The following FAM135B variants were observed in gnomAD, a reference collection of about 807,000 sequenced individuals.
FAM135B encodes family with sequence similarity 135 member B.
Under a neutral mutation model 127.7 loss-of-function variants are expected in FAM135B, and 43 were observed. The ratio of observed to expected loss-of-function variants is 0.34; its 90% confidence interval spans 0.26 to 0.43. The LOEUF is 0.43. FAM135B is among the 20% of genes least tolerant of loss of function. The probability of loss-of-function intolerance (pLI) is 1.00; values close to 1 mark genes in which losing one functional copy is unlikely to be tolerated. For synonymous variants in FAM135B, 670 were observed against 665.1 expected (o/e 1.01, Z -0.11); for missense variants, 1,558 against 1,725.6 (o/e 0.90, Z 1.72).
At chr8:138,140,544 A>T (rs1170255584) in intron 17 of FAM135B, among the ~76,000 whole-genome samples, 1 of 152,212 alleles carries the variant, frequency 6.6e-6, no homozygotes, top group Non-Finnish European at 1.5e-5. Context: ...TTCTGGAGTC[A>T]GTCGAGGTCC....
At chr8:138,454,503 C>G (rs1339409385) in intron 1 of FAM135B, among the ~76,000 whole-genome samples, 1 of 152,176 alleles carries the variant, frequency 6.6e-6, no homozygotes, top group Non-Finnish European at 1.5e-5. Flanking sequence ...ACCTACGAAA[C>G]AGAGGAAGAA....
intron 1 of FAM135B, among the ~76,000 whole-genome samples, chr8:138,482,298 G>A (rs114005287): frequency 2.0e-5 from 3 of 152,108 alleles, no homozygotes; most frequent in African/African-American, 4.8e-5. Context: ...GTTGAAGTAC[G>A]TGGCCACGAG....
At chr8:138,318,490 T>C (rs1827235846) in intron 2 of FAM135B, among the ~76,000 whole-genome samples, 1 of 152,190 alleles carries the variant, frequency 6.6e-6, no homozygotes, top group Non-Finnish European at 1.5e-5. Context: ...CAATCTTGGT[T>C]GATCCCCCAC....
intron 2 of FAM135B, among the ~76,000 whole-genome samples, chr8:138,339,802 C>A (rs1006775234): frequency 2.6e-5 from 4 of 152,172 alleles, no homozygotes; most frequent in Admixed American, 2.6e-4. Flanking sequence ...CTCTGTTAGG[C>A]CACCTGAGTG....
intron 9 of FAM135B, among the ~76,000 whole-genome samples, chr8:138,190,766 C>T (rs1295796962): frequency 6.6e-6 from 1 of 152,180 alleles, no homozygotes. Flanking sequence ...TCTTCACCAC[C>T]CCTTATCTTA....
intron 7 of FAM135B, among the ~76,000 whole-genome samples, chr8:138,205,375 C>T (rs7460883): frequency 0.72 from 109,383 of 152,102 alleles, 39,544 homozygotes; most frequent in East Asian, 0.82. Context: ...CCTCTTTGAA[C>T]TGAGCTTCAG....
intron 1 of FAM135B, among the ~76,000 whole-genome samples, chr8:138,407,514 A>G (rs1252427380): frequency 6.6e-6 from 1 of 152,212 alleles, no homozygotes; most frequent in Non-Finnish European, 1.5e-5. Context: ...ACTATACTAC[A>G]AGGCTACAGT....
At chr8:138,428,089 G>T (rs1327617281) in intron 1 of FAM135B, among the ~76,000 whole-genome samples, 4 of 152,156 alleles carry the variant, frequency 2.6e-5, no homozygotes, top group Non-Finnish European at 5.9e-5. Flanking sequence ...TGGGCTAAAT[G>T]TTTTATGTTA....
chr8:138,174,170 C>T (rs1814203526), intron 11 of FAM135B, among the ~76,000 whole-genome samples: 1 of 152,148 alleles, frequency 6.6e-6, no homozygotes, highest in Non-Finnish European at 1.5e-5. Flanking sequence ...GTTCCAAATA[C>T]ACTAGGTTGA....
intron 1 of FAM135B, among the ~76,000 whole-genome samples, chr8:138,470,085 G>T (rs1426762767): frequency 1.3e-5 from 2 of 152,168 alleles, no homozygotes; most frequent in Non-Finnish European, 2.9e-5. Context: ...ATAAATGCAA[G>T]ACTTAAGGAA....
intron 1 of FAM135B, among the ~76,000 whole-genome samples, chr8:138,458,783 C>T (rs1005045836): frequency 6.6e-6 from 1 of 152,138 alleles, no homozygotes; most frequent in African/African-American, 2.4e-5. Flanking sequence ...TTACAAAAAA[C>T]GTACGCTGAC....
At chr8:138,218,845 G>T (rs1197679473) in intron 7 of FAM135B, among the ~76,000 whole-genome samples, 1 of 151,462 alleles carries the variant, frequency 6.6e-6, no homozygotes, top group African/African-American at 2.4e-5. Flanking sequence ...ATAGAATGTT[G>T]TCCCATCAGA....
intron 1 of FAM135B, among the ~76,000 whole-genome samples, chr8:138,470,161 C>T (rs918523961): frequency 1.8e-4 from 28 of 152,280 alleles, no homozygotes; most frequent in Non-Finnish European, 2.9e-4. Context: ...GAAGCATTGA[C>T]TCTCAGGCAG....
At chr8:138,182,344 G>A (rs990369904) in intron 9 of FAM135B, among the ~76,000 whole-genome samples, 2 of 152,272 alleles carry the variant, frequency 1.3e-5, no homozygotes, top group Middle Eastern at 3.4e-3. Context: ...TCCAGAGACC[G>A]AGGAGGCCCT....
rs958919045 is a variant in FAM135B at position 138,311,770 on chromosome 8, C to T, written c.78-850G>A. 9.2e-5 allele frequency among the ~76,000 whole-genome samples: 14 copies of T among 152,192 alleles called. No homozygotes were observed. The East Asian group carries it at 9.7e-4, about 11-fold the overall frequency. The stretch of plus-strand genomic sequence containing the variant: ...GACATCCTTGCACTGCACATACACT[C>T]GTAGAATGTTTCTGCTGGCAGTCTC... On this transcript the variant is annotated intron_variant, in intron 2 of 19. Coordinates refer to ENST00000395297, the MANE Select transcript of FAM135B (RefSeq NM_015912.4).
At chr8:138,156,785 T>G (rs140971699) in intron 12 of FAM135B, among the ~76,000 whole-genome samples, 587 of 152,288 alleles carry the variant, frequency 3.9e-3, no homozygotes, top group African/African-American at 0.011. Flanking sequence ...TAACAGGCTC[T>G]GAAATTGAGG....
intron 2 of FAM135B, among the ~76,000 whole-genome samples, chr8:138,316,732 C>T (rs534660346): frequency 2.0e-5 from 3 of 151,366 alleles, no homozygotes; most frequent in Non-Finnish European, 3.0e-5. Context: ...TGTAATCCCA[C>T]CACTTTGGGA....
intron 7 of FAM135B, among the ~76,000 whole-genome samples, chr8:138,203,702 G>A (rs1817334520): frequency 6.6e-6 from 1 of 152,058 alleles, no homozygotes; most frequent in Non-Finnish European, 1.5e-5. Context: ...ATTTTTCCAT[G>A]AACCGAAGGT....
chr8:138,435,751 G>A (rs1427879781), intron 1 of FAM135B, among the ~76,000 whole-genome samples: 1 of 152,080 alleles, frequency 6.6e-6, no homozygotes, highest in Non-Finnish European at 1.5e-5. Flanking sequence ...GTCACAACTT[G>A]CCCTCTGGTC....
Sources: allele counts gnomAD v4.1 joint callset (sites outside exome capture counted in the v4.1 genomes callset), GRCh38; gene constraint gnomAD v4.1.1; transcripts MANE v1.5; gene names NCBI Gene and HGNC (gene_info 2026-07-23, HGNC 2026-07-21).